Variants in HAS2 observed in about 807,000 individuals in gnomAD.
The protein encoded by HAS2 is hyaluronan synthase 2, also known as HA synthase 2.
Under a neutral mutation model 51.6 loss-of-function variants are expected in HAS2, and 16 were observed. That is an observed-to-expected ratio of 0.31 (90% CI 0.21 to 0.47). HAS2 has a LOEUF of 0.47. HAS2 is among the 20% of genes least tolerant of loss of function. The pLI, the probability that HAS2 is intolerant of heterozygous loss-of-function variation, is 1.00. For missense variants in HAS2, 361 were observed against 662.6 expected (o/e 0.54, Z 5.00); for synonymous variants, 228 against 235.5 (o/e 0.97, Z 0.29).
At chr8:121,619,631 G>A (rs914278065) in intron 2 of HAS2, among the ~76,000 whole-genome samples, 6 of 152,066 alleles carry the variant, frequency 3.9e-5, no homozygotes, top group South Asian at 2.1e-4. Flanking sequence ...AGCATCTCAA[G>A]CCTCCGGAAC....
chr8:121,633,895 GTT>G (rs34887028), intron 1 of HAS2, among the ~76,000 whole-genome samples: 27,952 of 146,254 alleles, frequency 0.19, 2,757 homozygotes, highest in Middle Eastern at 0.3. Flanking sequence ...AGTTACCCTA[GTT>G]TTTTGTTTTT....
At chr8:121,622,260 C>G (rs6651224) in intron 2 of HAS2, among the ~76,000 whole-genome samples, 30,067 of 152,032 alleles carry the variant, frequency 0.2, 3,080 homozygotes, top group Middle Eastern at 0.31. Context: ...ACCATTCCCC[C>G]TGAACTCCTA....
At chr8:121,633,751 C>G (rs891618763) in intron 1 of HAS2, among the ~76,000 whole-genome samples, 1 of 152,176 alleles carries the variant, frequency 6.6e-6, no homozygotes, top group South Asian at 2.1e-4. Context: ...TGGGACTCTT[C>G]AGGTCACTGG....
intron 1 of HAS2, among the ~76,000 whole-genome samples, chr8:121,636,144 T>C (rs576806904): frequency 6.6e-6 from 1 of 152,340 alleles, no homozygotes; most frequent in African/African-American, 2.4e-5. Flanking sequence ...TCACAAGTTT[T>C]AAAATCTCCT....
Position 121,614,569 on chromosome 8 carries a change from C to T in HAS2, c.1199G>A (p.Arg400Gln), listed in dbSNP as rs985314101. Reference sequence around the variant, plus strand: ...GAGGAGAATGTTCCAAATTTTACCCCGGTAGAAGAGCTGGATTACTGTGGC... The same window carrying T: ...GAGGAGAATGTTCCAAATTTTACCCTGGTAGAAGAGCTGGATTACTGTGGC... ...LIATVIQLFY[R>Q]GKIWNILLFL... is the part of the protein sequence containing the mutation. The change falls in exon 4 of 4, where the codon CGG becomes CAG. Residue 400 changes from arginine to glutamine, a missense_variant. Coordinates refer to ENST00000303924, the MANE Select transcript of HAS2 (RefSeq NM_005328.3). This position sits in a 1 kb window ranked among gnomAD's most constrained non-coding sequence, Gnocchi z 7.2. The T allele has an allele frequency of 6.2e-7, 1 of 1,613,952 alleles. No individual in the cohort carries two copies. The highest frequency in any genetic ancestry group is 8.5e-7 in the Non-Finnish European group (1 of 1,179,902).
At chr8:121,619,911 G>A (rs568279063) in intron 2 of HAS2, among the ~76,000 whole-genome samples, 7 of 152,262 alleles carry the variant, frequency 4.6e-5, no homozygotes, top group South Asian at 2.1e-4. Flanking sequence ...AAATAACTCC[G>A]TCTGCTTGTG....
intron 1 of HAS2, among the ~76,000 whole-genome samples, 174 bp downstream of exon 1, chr8:121,640,679 C>T (rs1813081863): frequency 6.6e-6 from 1 of 152,146 alleles, no homozygotes; most frequent in African/African-American, 2.4e-5. Context: ...TGTTGCTAAG[C>T]CTGACAGTGA....
intron 1 of HAS2, among the ~76,000 whole-genome samples, chr8:121,638,040 T>C (rs1310194756): frequency 6.6e-6 from 1 of 152,226 alleles, no homozygotes; most frequent in African/African-American, 2.4e-5. Context: ...AAAGGGTATG[T>C]CTACCTTGAT....
chr8:121,633,209 A>C (rs144511293), intron 1 of HAS2, among the ~76,000 whole-genome samples: 243 of 142,912 alleles, frequency 1.7e-3, no homozygotes, highest in African/African-American at 6.1e-3. Flanking sequence ...GCAGTGGTGC[A>C]GTCTTGGCTC....
intron 1 of HAS2, among the ~76,000 whole-genome samples, chr8:121,635,664 T>C (rs1563624498): frequency 6.6e-6 from 1 of 152,244 alleles, no homozygotes; most frequent in Admixed American, 6.5e-5. Flanking sequence ...GCGCCTCTTA[T>C]TCATTGCGTC....
At chr8:121,618,007 A>T (rs899297798) in intron 2 of HAS2, among the ~76,000 whole-genome samples, 1 of 152,056 alleles carries the variant, frequency 6.6e-6, no homozygotes, top group Non-Finnish European at 1.5e-5. Context: ...TGAGCCAAAA[A>T]AAAAAAAAGC....
At chr8:121,629,455 A>G in intron 1 of HAS2, 115 bp from the exon 2 acceptor site, 2 of 819,648 alleles carry the variant, frequency 2.4e-6, no homozygotes, top group Admixed American at 2.5e-5. Flanking sequence ...TTAACACTCA[A>G]TTTCTCGCCC....
chr8:121,632,826 C>A (rs1812951506), intron 1 of HAS2, among the ~76,000 whole-genome samples: 1 of 151,950 alleles, frequency 6.6e-6, no homozygotes, highest in African/African-American at 2.4e-5. Flanking sequence ...GGGCAAGTTT[C>A]TTTTTTTAAG....
rs1554597329 is a variant in HAS2 at position 121,641,158 on chromosome 8, C to CTTTCTTTTTTTTTTTTTTTTTTTTTTTT, written c.-307_-306insAAAAAAAAAAAAAAAAAAAAAAAAGAAA. The stretch of plus-strand genomic sequence containing the variant: ...TAACTTTTCTTTTTTCTTTTCTTTT[C>CTTTCTTTTTTTTTTTTTTTTTTTTTTTT]TTTTTTTTTTTTTTTTTTTTTTGGG... On this transcript the variant is annotated 5_prime_UTR_variant, in exon 1 of 4. Transcript: ENST00000303924. 1 of 57,016 alleles carries CTTTCTTTTTTTTTTTTTTTTTTTTTTTT rather than the reference C, an allele frequency of 1.8e-5. No homozygotes were observed. The highest frequency in any genetic ancestry group is 6.7e-5 in the African/African-American group (1 of 14,890). 3.5% of individuals were successfully genotyped at this position (57,016 alleles called of 1,614,324 possible).
intron 1 of HAS2, among the ~76,000 whole-genome samples, 173 bp from the exon 2 acceptor site, chr8:121,629,513 A>G (rs1281307080): frequency 6.6e-6 from 1 of 152,216 alleles, no homozygotes; most frequent in African/African-American, 2.4e-5. Flanking sequence ...TCTGCAAAAC[A>G]GGGATAAGGA....
chr8:121,628,563 T>C (rs1322506670), intron 2 of HAS2, 151 bp downstream of exon 2: 2 of 676,722 alleles, frequency 3.0e-6, no homozygotes, highest in Admixed American at 3.1e-5. Context: ...TTTTTCAAAA[T>C]GTGCTTTCAA....
At chr8:121,622,039 CCTTCATCTTAACCTTGACT>C (rs145448432) in intron 2 of HAS2, among the ~76,000 whole-genome samples, 13,714 of 151,966 alleles carry the variant, frequency 0.09, 758 homozygotes, top group African/African-American at 0.14. Flanking sequence ...TAACCTTCAC[CCTTCATCTTAACCTTGACT>C]CTTCATCTTA....
intron 1 of HAS2, among the ~76,000 whole-genome samples, chr8:121,635,132 A>G (rs1812991743): frequency 6.6e-6 from 1 of 152,172 alleles, no homozygotes; most frequent in South Asian, 2.1e-4. Flanking sequence ...CAGTTATACT[A>G]GTGTTCAAAT....
At chr8:121,618,505 T>C (rs924560641) in intron 2 of HAS2, among the ~76,000 whole-genome samples, 1 of 152,000 alleles carries the variant, frequency 6.6e-6, no homozygotes, top group African/African-American at 2.4e-5. Context: ...TGAAAACAGC[T>C]GGAAAAGGCT....
Sources: allele counts gnomAD v4.1 joint callset (sites outside exome capture counted in the v4.1 genomes callset), GRCh38; gene constraint gnomAD v4.1.1; non-coding constraint Gnocchi (gnomAD v3.1); transcripts MANE v1.5; gene names NCBI Gene and HGNC (gene_info 2026-07-23, HGNC 2026-07-21).